The following KCNH5 variants were observed in gnomAD, a reference collection of about 807,000 sequenced individuals.
KCNH5 encodes the protein potassium voltage-gated channel subfamily H member 5.
A neutral mutation model predicts 96.1 loss-of-function variants in KCNH5; 46 were observed. The ratio of observed to expected loss-of-function variants is 0.48; its 90% CI spans 0.38 to 0.61. The LOEUF (loss-of-function observed/expected upper bound fraction) is 0.61, where lower values mean the gene tolerates loss of function less well. Among genes scored for constraint, KCNH5 ranks in the 20% least tolerant of loss-of-function variants. The probability of loss-of-function intolerance (pLI) is 0.00; values close to 1 mark genes in which losing one functional copy is unlikely to be tolerated. For missense variants in KCNH5, 907 were observed against 1,225.8 expected, an observed-to-expected ratio of 0.74 and a Z score of 3.88; for synonymous variants, 439 against 449.8, an observed-to-expected ratio of 0.98 and a Z score of 0.30.
intron 1 of KCNH5, among the ~76,000 whole-genome samples, chr14:63,033,911 T>C (rs1338936373): frequency 6.6e-6 from 1 of 152,088 alleles, no homozygotes; most frequent in Non-Finnish European, 1.5e-5. Flanking sequence ...GCAGTCTGTA[T>C]TATTTTTGTT....
At chr14:62,881,878 T>C (rs183609010) in intron 7 of KCNH5, among the ~76,000 whole-genome samples, 1 of 152,130 alleles carries the variant, frequency 6.6e-6, no homozygotes, top group African/African-American at 2.4e-5. Flanking sequence ...ATTAATAGAC[T>C]GTCTCCTAAA....
intron 9 of KCNH5, among the ~76,000 whole-genome samples, chr14:62,795,533 G>A (rs112117520): frequency 9.2e-5 from 14 of 152,254 alleles, no homozygotes; most frequent in Admixed American, 2.6e-4. Flanking sequence ...GATGTGCATA[G>A]GTTGTATGCA....
At chr14:62,951,367 C>T (rs1890001880) in intron 6 of KCNH5, among the ~76,000 whole-genome samples, 1 of 152,128 alleles carries the variant, frequency 6.6e-6, no homozygotes, top group Admixed American at 6.5e-5. Context: ...TTTTTGGAAG[C>T]ATGTAATAGA....
intron 6 of KCNH5, among the ~76,000 whole-genome samples, chr14:62,958,032 C>A (rs1053376463): frequency 3.9e-5 from 6 of 152,124 alleles, no homozygotes; most frequent in Admixed American, 2.6e-4. Context: ...CTTATGAGCA[C>A]AGAATTTCAT....
chr14:62,993,259 G>A (rs1012346655), intron 4 of KCNH5, among the ~76,000 whole-genome samples: 6 of 151,996 alleles, frequency 3.9e-5, no homozygotes, highest in African/African-American at 1.2e-4. Flanking sequence ...GATGTCTTCA[G>A]CTTTATTCTT....
At chr14:63,034,116 T>C (rs1322965895) in intron 1 of KCNH5, among the ~76,000 whole-genome samples, 1 of 152,018 alleles carries the variant, frequency 6.6e-6, no homozygotes, top group African/African-American at 2.4e-5. Flanking sequence ...GGCGGGGTTT[T>C]ACCATGTTGG....
chr14:62,865,263 G>T (rs1019837134), intron 7 of KCNH5, among the ~76,000 whole-genome samples: 1 of 151,512 alleles, frequency 6.6e-6, no homozygotes, highest in Non-Finnish European at 1.5e-5. Context: ...TGTGTTCCGT[G>T]GGTCTTAAAG....
chr14:62,763,082 G>A (rs565969651), intron 10 of KCNH5, among the ~76,000 whole-genome samples: 22 of 152,186 alleles, frequency 1.4e-4, no homozygotes, highest in African/African-American at 5.1e-4. Context: ...AACAACAATA[G>A]AATATACAAT....
chr14:62,955,508 T>C (rs145731228), intron 6 of KCNH5, among the ~76,000 whole-genome samples: 1 of 152,338 alleles, frequency 6.6e-6, no homozygotes, highest in East Asian at 1.9e-4. Context: ...ATAATTGGAC[T>C]AAGTTCACAT....
intron 1 of KCNH5, among the ~76,000 whole-genome samples, chr14:63,029,014 A>G (rs1891576376): frequency 6.6e-6 from 1 of 152,150 alleles, no homozygotes; most frequent in Non-Finnish European, 1.5e-5. Context: ...AATTGAGACC[A>G]TCAAAGAGTT....
intron 7 of KCNH5, among the ~76,000 whole-genome samples, chr14:62,918,641 T>C (rs1889321991): frequency 6.6e-6 from 1 of 152,058 alleles, no homozygotes. Flanking sequence ...ACCTCACTAA[T>C]CACTGAATAT....
intron 7 of KCNH5, among the ~76,000 whole-genome samples, chr14:62,878,660 G>T (rs916535291): frequency 8.5e-5 from 13 of 152,076 alleles, no homozygotes; most frequent in African/African-American, 3.1e-4. Flanking sequence ...AAAGTTTGAA[G>T]GTCCTTTACA....
intron 10 of KCNH5, among the ~76,000 whole-genome samples, chr14:62,749,292 A>G (rs117924081): frequency 0.032 from 4,884 of 152,304 alleles, 150 homozygotes; most frequent in South Asian, 0.084. Flanking sequence ...GCTCACAGGA[A>G]TAAACAAGAT....
chr14:62,878,207 G>GGGA (rs1888420206), intron 7 of KCNH5, among the ~76,000 whole-genome samples: 1 of 130,492 alleles, frequency 7.7e-6, no homozygotes, highest in African/African-American at 3.3e-5. Flanking sequence ...GGGATGGGGG[G>GGGA]GGGGGCGGAG....
chr14:63,045,054 A>T, intron 1 of KCNH5, 60 bp downstream of exon 1: 1 of 1,299,488 alleles, frequency 7.7e-7, no homozygotes, highest in Non-Finnish European at 1.1e-6. Flanking sequence ...GATGGGGAGG[A>T]TGGGGGGCGC....
intron 7 of KCNH5, among the ~76,000 whole-genome samples, chr14:62,937,009 A>G (rs901300422): frequency 2.0e-5 from 3 of 150,742 alleles, no homozygotes; most frequent in African/African-American, 4.9e-5. Context: ...AAAGATGAAG[A>G]AAGAGGAGGA....
Position 62,706,765 on chromosome 14 carries a change from G to A in KCNH5, c.*743C>T, listed in dbSNP as rs959045659. ...ATATTAATAGTTTAGTATTTATGAT[G>A]TTGATAATGTCAGCTTACAAGATGG... On this transcript the variant is annotated 3_prime_UTR_variant, in exon 11 of 11. Transcript: ENST00000322893. The A allele has an allele frequency of 6.6e-6, 1 of 152,108 alleles. No homozygotes were observed. Among genetic ancestry groups the A allele is most frequent in the African/African-American group, 2.4e-5 (1 of 41,436 alleles). 9.4% of individuals were successfully genotyped at this position (152,108 alleles called of 1,614,324 possible). A position where few individuals can be genotyped will look rare whatever the true frequency, so the allele number is the denominator to read the frequency against.
At chr14:62,873,395 A>G (rs1888299442) in intron 7 of KCNH5, among the ~76,000 whole-genome samples, 1 of 152,156 alleles carries the variant, frequency 6.6e-6, no homozygotes. Context: ...GAAAGAAGTG[A>G]TTTTTGTAAT....
intron 8 of KCNH5, among the ~76,000 whole-genome samples, chr14:62,834,786 G>T (rs796359105): frequency 1.3e-5 from 2 of 151,856 alleles, no homozygotes; most frequent in African/African-American, 4.8e-5. Flanking sequence ...GAGAAAAAAT[G>T]GAATTCAAAT....
Sources: allele counts gnomAD v4.1 joint callset (sites outside exome capture counted in the v4.1 genomes callset), GRCh38; gene constraint gnomAD v4.1.1; transcripts MANE v1.5; gene names NCBI Gene and HGNC (gene_info 2026-07-23, HGNC 2026-07-21).